Variants in CRACD observed in about 807,000 individuals in gnomAD.
The protein encoded by CRACD is capping protein inhibiting regulator of actin dynamics, also known as capping protein-inhibiting regulator of actin dynamics.
In CRACD, 56 loss-of-function variants were observed where a neutral mutation model predicts 106.8. That is an observed-to-expected ratio of 0.52 (90% CI 0.42 to 0.66). The LOEUF (loss-of-function observed/expected upper bound fraction) is 0.66, where lower values mean the gene tolerates loss of function less well. Among genes scored for constraint, CRACD ranks in the 30% least tolerant of loss-of-function variants. The pLI, the probability that CRACD is intolerant of heterozygous loss-of-function variation, is 0.00. For missense variants in CRACD, 1,730 were observed against 1,623.2 expected, an observed-to-expected ratio of 1.07 and a Z score of -1.13; for synonymous variants, 754 against 670.8, an observed-to-expected ratio of 1.12 and a Z score of -1.92.
chr4:56,168,244 C>G (rs1346244405), intron 1 of CRACD, among the ~76,000 whole-genome samples: 1 of 151,996 alleles, frequency 6.6e-6, no homozygotes, highest in Non-Finnish European at 1.5e-5. Flanking sequence ...TCTTGTATTC[C>G]CAGTTTTTAA....
chr4:56,170,447 A>G (rs1489767505), intron 1 of CRACD, among the ~76,000 whole-genome samples: 5 of 152,288 alleles, frequency 3.3e-5, no homozygotes, highest in Middle Eastern at 3.4e-3. Flanking sequence ...TACTTTTGGT[A>G]TAGTCATTTT....
At chr4:56,295,403 T>C (rs1245202942) in intron 3 of CRACD, among the ~76,000 whole-genome samples, 1 of 152,018 alleles carries the variant, frequency 6.6e-6, no homozygotes, top group Non-Finnish European at 1.5e-5. Flanking sequence ...ACTACTGCTA[T>C]TATTACTTTT....
At chr4:56,206,552 C>T (rs1738129317) in intron 2 of CRACD, among the ~76,000 whole-genome samples, 1 of 152,174 alleles carries the variant, frequency 6.6e-6, no homozygotes. Context: ...ATATGTTCTG[C>T]TCATCACATC....
chr4:56,313,260 G>T lies in CRACD; in HGVS notation c.418G>T (p.Val140Phe). 1 of 1,614,196 alleles carries T rather than the reference G, an allele frequency of 6.2e-7. No homozygotes were observed. Among genetic ancestry groups the T allele is most frequent in the East Asian group, 2.2e-5 (1 of 44,874 alleles). Residue 140 changes from valine to phenylalanine, a missense_variant, in exon 7 of 11, where the codon GTC becomes TTC. Val to Phe is a conservative substitution (Grantham distance 50). This residue lies in a region of CRACD where 1,620 missense variants were observed against 1,481.6 expected (regional missense o/e 1.09). Coordinates refer to ENST00000682029, the MANE Select transcript of CRACD (RefSeq NM_001393381.1). ...CTCTTCTGCTGGCACCATCGAAAGTGTCAACTTAGATGCCATCCCCCTGGC... is the reference window on the plus strand; with the variant it reads ...CTCTTCTGCTGGCACCATCGAAAGTTTCAACTTAGATGCCATCCCCCTGGC... ...HFSSAGTIES[V>F]NLDAIPLAIA... is the part of the protein sequence containing the mutation.
At chr4:56,122,393 T>A (rs1162934780) in intron 1 of CRACD, among the ~76,000 whole-genome samples, 2 of 149,222 alleles carry the variant, frequency 1.3e-5, no homozygotes, top group African/African-American at 2.5e-5. Flanking sequence ...AAGCAAAAAA[T>A]TTGCAAAAAT....
intron 1 of CRACD, among the ~76,000 whole-genome samples, chr4:56,101,485 G>A (rs560586892): frequency 8.5e-5 from 13 of 152,174 alleles, no homozygotes; most frequent in African/African-American, 3.1e-4. Context: ...TGTGTTGGCC[G>A]GGTGCAGTGG....
chr4:56,181,966 A>G (rs1401104272), intron 2 of CRACD, among the ~76,000 whole-genome samples: 2 of 152,300 alleles, frequency 1.3e-5, no homozygotes, highest in Middle Eastern at 3.4e-3. Flanking sequence ...GGGGGATACA[A>G]TTCAAACCAT....
intron 2 of CRACD, among the ~76,000 whole-genome samples, chr4:56,262,830 T>C (rs1374413398): frequency 6.6e-6 from 1 of 152,240 alleles, no homozygotes; most frequent in African/African-American, 2.4e-5. Context: ...TGAATACTGA[T>C]GTTTTCCTAA....
intron 2 of CRACD, among the ~76,000 whole-genome samples, chr4:56,188,723 G>A (rs1376899825): frequency 6.7e-6 from 1 of 150,066 alleles, no homozygotes; most frequent in South Asian, 2.1e-4. Flanking sequence ...GAGAGAGAGA[G>A]AGAGAGAGAG....
chr4:56,143,600 A>G lies in CRACD; in HGVS notation c.-335-35684A>G, dbSNP rs992019356. The stretch of plus-strand genomic sequence containing the variant: ...GTTCATGATCATTTATCAAAATTAT[A>G]TATTTTTTCTTCTTAGGTTTCCTAA... On this transcript the variant is annotated intron_variant, in intron 1 of 10. Coordinates refer to ENST00000682029, the MANE Select transcript of CRACD (RefSeq NM_001393381.1). 3.3e-5 allele frequency among the ~76,000 whole-genome samples: 5 copies of G among 152,246 alleles called. No individual in the cohort carries two copies. The South Asian group carries it at 8.3e-4, about 25-fold the overall frequency.
intron 1 of CRACD, among the ~76,000 whole-genome samples, chr4:56,113,821 G>A (rs544840076): frequency 3.9e-5 from 6 of 152,118 alleles, no homozygotes; most frequent in Non-Finnish European, 7.4e-5. Context: ...ATTAGAATTC[G>A]CACAAAAAGA....
At chr4:56,135,060 G>T (rs553613024) in intron 1 of CRACD, among the ~76,000 whole-genome samples, 30 of 152,218 alleles carry the variant, frequency 2.0e-4, no homozygotes, top group African/African-American at 7.0e-4. Context: ...GAGGCGGGTG[G>T]ATTACAAGGT....
intron 2 of CRACD, among the ~76,000 whole-genome samples, chr4:56,246,969 T>A (rs940265691): frequency 2.6e-5 from 4 of 152,206 alleles, no homozygotes; most frequent in Admixed American, 6.5e-5. Context: ...TGTTAATATT[T>A]AGATACTGAA....
At chr4:56,090,573 T>C (rs1733393452) in intron 1 of CRACD, among the ~76,000 whole-genome samples, 1 of 152,156 alleles carries the variant, frequency 6.6e-6, no homozygotes, top group Non-Finnish European at 1.5e-5. Flanking sequence ...TTTTGTATTT[T>C]TTGTAGAGAC....
rs547024475 is a variant in CRACD, at chr4:56,093,204, G to A, written c.-336+43905G>A. 2.6e-5 allele frequency among the ~76,000 whole-genome samples: 4 copies of A among 152,218 alleles called. No individual in the cohort carries two copies. The South Asian group carries it at 8.3e-4, about 32-fold the overall frequency. On this transcript the variant is annotated intron_variant, in intron 1 of 10. Transcript: ENST00000682029. ...TTATTTTGAGGATTAAATCAGATTT[G>A]GTTGAGTGCCTTACTGTGTGCTAGG...
intron 3 of CRACD, among the ~76,000 whole-genome samples, chr4:56,294,913 C>CAAAAAAAAAAAAAAAAAAAAAAAAAAAAA (rs56200534): frequency 2.8e-5 from 2 of 72,164 alleles, no homozygotes; most frequent in African/African-American, 6.0e-5. Context: ...GACCTTGTCT[C>CAAAAAAAAAAAAAAAAAAAAAAAAAAAAA]AAAAAAAAAA....
chr4:56,078,096 T>G (rs1430297497), intron 1 of CRACD, among the ~76,000 whole-genome samples: 1 of 152,216 alleles, frequency 6.6e-6, no homozygotes, highest in African/African-American at 2.4e-5. Context: ...TAATTATATA[T>G]TTTTAATTGA....
intron 1 of CRACD, among the ~76,000 whole-genome samples, chr4:56,093,459 C>T (rs952931227): frequency 1.3e-5 from 2 of 152,096 alleles, no homozygotes; most frequent in African/African-American, 2.4e-5. Flanking sequence ...TAATTATTTC[C>T]GTTTTACAAA....
intron 2 of CRACD, among the ~76,000 whole-genome samples, chr4:56,255,777 G>A (rs1741320544): frequency 1.3e-5 from 2 of 152,166 alleles, no homozygotes; most frequent in African/African-American, 2.4e-5. Context: ...CAGAAAAAAA[G>A]CATCATGTCT....
Sources: gnomAD v4.1 joint callset for allele counts (sites outside exome capture counted in the v4.1 genomes callset) on GRCh38, gnomAD v4.1.1 for gene constraint, gnomAD v4.1.1 regional missense constraint, MANE v1.5 for transcripts, NCBI Gene and HGNC (gene_info 2026-07-23, HGNC 2026-07-21) for gene names.